Variants in CSMD3 observed in about 807,000 individuals in gnomAD.
The protein encoded by CSMD3 is CUB and sushi domain-containing protein 3.
CSMD3 carries 177 observed loss-of-function variants against 435.2 expected under a neutral mutation model. The observed-to-expected ratio is 0.41, with a 90% CI of 0.36 to 0.46. The LOEUF is 0.46. Among genes scored for constraint, CSMD3 ranks in the 20% least tolerant of loss-of-function variants. The probability of loss-of-function intolerance (pLI) is 0.34; values close to 1 mark genes in which losing one functional copy is unlikely to be tolerated. For synonymous variants in CSMD3, 1,656 were observed against 1,520.5 expected (o/e 1.09, Z -2.07); for missense variants, 4,265 against 4,504.6 (o/e 0.95, Z 1.52).
At chr8:113,262,818 T>C (rs559684009) in intron 3 of CSMD3, among the ~76,000 whole-genome samples, 44 of 152,160 alleles carry the variant, frequency 2.9e-4, no homozygotes, top group African/African-American at 6.3e-4. Context: ...GTCTTAGACA[T>C]GAATCACAGA....
chr8:113,022,411 T>C lies in CSMD3; in HGVS notation c.918-3232A>G, dbSNP rs542733094. 3.9e-5 allele frequency among the ~76,000 whole-genome samples: 6 copies of C among 152,016 alleles called. No individual in the cohort carries two copies. In the South Asian group the frequency reaches 6.2e-4, roughly 16 times the overall value. ...ATATGACAAATACCAATGGTAAAGG[T>C]TGGAAATATGATAGTAAGCAAGAGA... On this transcript the variant is annotated intron_variant, in intron 5 of 70. Transcript: ENST00000297405.
chr8:112,624,951 T>C (rs1000548969), intron 22 of CSMD3, among the ~76,000 whole-genome samples: 2 of 152,072 alleles, frequency 1.3e-5, no homozygotes, highest in Non-Finnish European at 2.9e-5. Flanking sequence ...ATTTATTTGT[T>C]TGTTTTTGCT....
chr8:113,248,549 T>C (rs62519851), intron 3 of CSMD3, among the ~76,000 whole-genome samples: 2,094 of 132,644 alleles, frequency 0.016, 16 homozygotes, highest in Non-Finnish European at 0.022. Flanking sequence ...TATATATATA[T>C]ACACACACAT....
intron 10 of CSMD3, among the ~76,000 whole-genome samples, chr8:112,912,080 G>T (rs977842751): frequency 6.8e-6 from 1 of 146,680 alleles, no homozygotes; most frequent in East Asian, 2.0e-4. Flanking sequence ...AGATCAAGGA[G>T]TTTTATATAT....
chr8:113,095,644 C>A (rs1192553785), intron 5 of CSMD3, among the ~76,000 whole-genome samples: 2 of 151,328 alleles, frequency 1.3e-5, no homozygotes, highest in Non-Finnish European at 2.9e-5. Flanking sequence ...CAGATTCAAC[C>A]AATCACAGAT....
intron 22 of CSMD3, among the ~76,000 whole-genome samples, chr8:112,633,563 T>C (rs964537194): frequency 1.3e-5 from 2 of 152,128 alleles, no homozygotes; most frequent in African/African-American, 2.4e-5. Flanking sequence ...TATTATTACA[T>C]TTTAATATTT....
chr8:112,875,603 G>T (rs1022295404), intron 10 of CSMD3, among the ~76,000 whole-genome samples: 1 of 152,012 alleles, frequency 6.6e-6, no homozygotes, highest in African/African-American at 2.4e-5. Flanking sequence ...ATTTATTGGA[G>T]GCTTTGTTCA....
intron 7 of CSMD3, among the ~76,000 whole-genome samples, chr8:112,962,412 G>C (rs1239000856): frequency 6.6e-6 from 1 of 151,430 alleles, no homozygotes; most frequent in Non-Finnish European, 1.5e-5. Context: ...AGATTAATTA[G>C]GAAAGAAGAA....
intron 24 of CSMD3, among the ~76,000 whole-genome samples, chr8:112,569,159 T>C (rs915186517): frequency 6.6e-6 from 1 of 152,192 alleles, no homozygotes; most frequent in African/African-American, 2.4e-5. Flanking sequence ...CGGTTGGCAC[T>C]GCCCATTTTT....
At chr8:113,333,066 T>A (rs1437881297) in intron 1 of CSMD3, among the ~76,000 whole-genome samples, 2 of 151,730 alleles carry the variant, frequency 1.3e-5, no homozygotes, top group African/African-American at 2.4e-5. Context: ...TATTTTGAGA[T>A]AAGCATAAAT....
intron 4 of CSMD3, among the ~76,000 whole-genome samples, chr8:113,128,285 G>A (rs182778435): frequency 6.6e-6 from 1 of 151,990 alleles, no homozygotes; most frequent in African/African-American, 2.4e-5. Context: ...ATGAAAAGAG[G>A]AAGGAAAAGA....
intron 13 of CSMD3, among the ~76,000 whole-genome samples, chr8:112,690,907 C>A (rs887216240): frequency 6.6e-6 from 1 of 151,896 alleles, no homozygotes; most frequent in Non-Finnish European, 1.5e-5. Flanking sequence ...AAAAATGTAA[C>A]TTTAAGATAA....
intron 1 of CSMD3, among the ~76,000 whole-genome samples, chr8:113,403,887 A>G (rs1209077998): frequency 6.6e-6 from 1 of 151,422 alleles, no homozygotes; most frequent in Non-Finnish European, 1.5e-5. Flanking sequence ...GTATGGCCAA[A>G]TCGTATTTTA....
intron 13 of CSMD3, among the ~76,000 whole-genome samples, chr8:112,711,985 C>A (rs961272027): frequency 1.3e-5 from 2 of 152,084 alleles, no homozygotes; most frequent in East Asian, 1.9e-4. Context: ...AAGCTACTGG[C>A]GGTATGTGGA....
chr8:113,252,097 T>C (rs533025092), intron 3 of CSMD3, among the ~76,000 whole-genome samples: 2 of 152,238 alleles, frequency 1.3e-5, no homozygotes, highest in Non-Finnish European at 2.9e-5. Context: ...CCTTAAAAAA[T>C]CTGTTCATCT....
chr8:112,882,712 A>G (rs1040540504), intron 10 of CSMD3, among the ~76,000 whole-genome samples: 1 of 152,052 alleles, frequency 6.6e-6, no homozygotes, highest in Non-Finnish European at 1.5e-5. Flanking sequence ...TTTACATTGA[A>G]CAAATACATT....
intron 10 of CSMD3, among the ~76,000 whole-genome samples, chr8:112,868,209 TAC>T (rs1428268478): frequency 3.9e-5 from 6 of 152,100 alleles, no homozygotes; most frequent in African/African-American, 2.4e-5. Flanking sequence ...GGGGTAATAA[TAC>T]ACATGGAGCT....
chr8:113,243,160 C>T (rs1189887417), intron 3 of CSMD3, among the ~76,000 whole-genome samples: 1 of 151,582 alleles, frequency 6.6e-6, no homozygotes, highest in Non-Finnish European at 1.5e-5. Flanking sequence ...ATATTAAGCT[C>T]CACTTAAAAC....
rs551230068 is a variant in CSMD3, at chr8:112,749,561, A to G, written c.1972+50601T>C. On this transcript the variant is annotated intron_variant, in intron 13 of 70. Transcript: ENST00000297405. Reference sequence around the variant, plus strand: ...CAAGATGGAGTAAAGACTTAAACGTAAAACCCAAAAAAATATTTTAAAATT... The same window carrying G: ...CAAGATGGAGTAAAGACTTAAACGTGAAACCCAAAAAAATATTTTAAAATT... Among the ~76,000 whole-genome samples, 3 of 152,210 alleles carry G rather than the reference A, an allele frequency of 2.0e-5. No individual in the cohort carries two copies. The East Asian group carries it at 5.8e-4, about 29-fold the overall frequency.
Sources: allele counts gnomAD v4.1 joint callset (sites outside exome capture counted in the v4.1 genomes callset), GRCh38; gene constraint gnomAD v4.1.1; transcripts MANE v1.5; gene names NCBI Gene and HGNC (gene_info 2026-07-23, HGNC 2026-07-21).